The following ENOX1 variants were observed in gnomAD, a reference collection of about 807,000 sequenced individuals.
ENOX1 encodes the protein ecto-NOX disulfide-thiol exchanger 1.
Under a neutral mutation model 82.5 loss-of-function variants are expected in ENOX1, and 42 were observed. The observed-to-expected ratio is 0.51, with a 90% CI of 0.40 to 0.66. The LOEUF is 0.66. Among genes scored for constraint, ENOX1 ranks in the 30% least tolerant of loss-of-function variants. The probability of loss-of-function intolerance (pLI) is 0.00; values close to 1 mark genes in which losing one functional copy is unlikely to be tolerated. For missense variants in ENOX1, 608 were observed against 811.6 expected, an observed-to-expected ratio of 0.75 and a Z score of 3.05; for synonymous variants, 271 against 282.2, an observed-to-expected ratio of 0.96 and a Z score of 0.40.
At chr13:43,279,428 G>T (rs531597452) in intron 12 of ENOX1, among the ~76,000 whole-genome samples, 1 of 152,210 alleles carries the variant, frequency 6.6e-6, no homozygotes, top group East Asian at 1.9e-4. Flanking sequence ...AGGAATTATT[G>T]ATCATTCACA....
chr13:43,541,173 G>GTTCTTTTTTTTTTTTTTTTTT (rs2078696705), intron 2 of ENOX1, among the ~76,000 whole-genome samples: 2 of 64,574 alleles, frequency 3.1e-5, no homozygotes, highest in African/African-American at 9.9e-5. Flanking sequence ...TCTTCCCTCT[G>GTTCTTTTTTTTTTTTTTTTTT]TTTTTTTTTT....
chr13:43,714,983 T>C (rs2088010447), intron 1 of ENOX1, among the ~76,000 whole-genome samples: 2 of 152,236 alleles, frequency 1.3e-5, no homozygotes, highest in African/African-American at 4.8e-5. Flanking sequence ...TGCTCGTTAG[T>C]TGATGCAGTT....
intron 2 of ENOX1, among the ~76,000 whole-genome samples, chr13:43,530,547 T>C (rs2078168006): frequency 6.6e-6 from 1 of 152,094 alleles, no homozygotes; most frequent in Admixed American, 6.6e-5. Flanking sequence ...GATTTGAAAA[T>C]AGTTACCTTT....
chr13:43,477,336 A>C (rs918508454), intron 3 of ENOX1, among the ~76,000 whole-genome samples: 2 of 152,062 alleles, frequency 1.3e-5, no homozygotes, highest in African/African-American at 4.8e-5. Flanking sequence ...GGGTGAATAC[A>C]TACGCTTTGC....
chr13:43,450,512 G>A (rs1381051306), intron 3 of ENOX1, among the ~76,000 whole-genome samples: 1 of 152,154 alleles, frequency 6.6e-6, no homozygotes, highest in Non-Finnish European at 1.5e-5. Context: ...GTCAGTAGGA[G>A]GCAGAGGAAA....
At chr13:43,244,569 G>C (rs1333651207) in intron 14 of ENOX1, among the ~76,000 whole-genome samples, 1 of 152,124 alleles carries the variant, frequency 6.6e-6, no homozygotes, top group Non-Finnish European at 1.5e-5. Context: ...TTGTTGTTTT[G>C]AAGAGCTATA....
chr13:43,551,846 AG>A (rs775896636), intron 2 of ENOX1, among the ~76,000 whole-genome samples: 2 of 152,230 alleles, frequency 1.3e-5, no homozygotes, highest in Non-Finnish European at 2.9e-5. Context: ...TTTGACTTAA[AG>A]GGTATGTGGT....
chr13:43,653,093 G>A (rs866116954), intron 2 of ENOX1, among the ~76,000 whole-genome samples: 1 of 152,176 alleles, frequency 6.6e-6, no homozygotes, highest in Non-Finnish European at 1.5e-5. Flanking sequence ...CCTCAGTTGC[G>A]CAGCACAGGC....
intron 1 of ENOX1, among the ~76,000 whole-genome samples, chr13:43,729,398 CTAATA>C (rs1347180094): frequency 6.6e-6 from 1 of 151,986 alleles, no homozygotes; most frequent in African/African-American, 2.4e-5. Context: ...AGGAATATGT[CTAATA>C]TAAACACAAG....
At chr13:43,499,962 C>A (rs995115741) in intron 2 of ENOX1, among the ~76,000 whole-genome samples, 31 of 151,806 alleles carry the variant, frequency 2.0e-4, no homozygotes, top group African/African-American at 7.5e-4. Context: ...TAAACGGTTT[C>A]AACAGCAGAT....
At position 43,412,612 on chromosome 13, in the gene ENOX1, TAAATAAATC is replaced by T. The variant is rs1186865695; in HGVS notation, c.70+224_70+232del. On this transcript the variant is annotated intron_variant, in intron 4 of 16. Transcript: ENST00000690772. ...GTGACTTTTCTGAAGGATTTCTAAA[TAAATAAATC>T]AAATTTAAAAACAGGTAGCACAAAG... is the stretch of plus-strand genomic sequence containing the variant. 2.0e-5 allele frequency among the ~76,000 whole-genome samples: 3 copies of T among 152,294 alleles called. No individual in the cohort carries two copies. In the South Asian group the frequency reaches 6.2e-4, roughly 32 times the overall value.
At chr13:43,570,764 G>C (rs1258318953) in intron 2 of ENOX1, among the ~76,000 whole-genome samples, 4 of 152,206 alleles carry the variant, frequency 2.6e-5, no homozygotes, top group African/African-American at 9.7e-5. Flanking sequence ...CCATCTGGGT[G>C]AGAAGTGGAG....
chr13:43,316,517 C>T (rs2153522102), intron 11 of ENOX1, among the ~76,000 whole-genome samples: 1 of 152,152 alleles, frequency 6.6e-6, no homozygotes, highest in South Asian at 2.1e-4. Context: ...ATTTACAAAA[C>T]AAACACAGTC....
chr13:43,327,431 G>A (rs1208084714), intron 9 of ENOX1, among the ~76,000 whole-genome samples: 1 of 152,192 alleles, frequency 6.6e-6, no homozygotes, highest in Non-Finnish European at 1.5e-5. Flanking sequence ...ATAGACAAAG[G>A]CATGGGCTCT....
chr13:43,353,070 G>A (rs2153554263), intron 8 of ENOX1, among the ~76,000 whole-genome samples: 1 of 152,190 alleles, frequency 6.6e-6, no homozygotes, highest in South Asian at 2.1e-4. Flanking sequence ...GTAAAATGCT[G>A]ATTAACGAAT....
intron 2 of ENOX1, among the ~76,000 whole-genome samples, chr13:43,498,100 C>T (rs2076856024): frequency 6.6e-6 from 1 of 152,024 alleles, no homozygotes; most frequent in Admixed American, 6.6e-5. Context: ...ATTAAACTCG[C>T]TGGTACTTTT....
At chr13:43,596,777 T>C (rs2081493401) in intron 2 of ENOX1, among the ~76,000 whole-genome samples, 1 of 152,238 alleles carries the variant, frequency 6.6e-6, no homozygotes, top group South Asian at 2.1e-4. Flanking sequence ...GTTAGTATTA[T>C]TACTTTGGAA....
intron 3 of ENOX1, among the ~76,000 whole-genome samples, chr13:43,470,303 T>C: frequency 2.0e-5 from 1 of 49,282 alleles, no homozygotes; most frequent in Admixed American, 1.9e-4. Context: ...TACACATATA[T>C]ATACATATAT....
chr13:43,749,460 G>C (rs1395084555), intron 1 of ENOX1, among the ~76,000 whole-genome samples: 1 of 152,220 alleles, frequency 6.6e-6, no homozygotes, highest in Non-Finnish European at 1.5e-5. Context: ...GTACAGAGAG[G>C]CACCTCTGTG....
Sources: gnomAD v4.1 joint callset for allele counts (sites outside exome capture counted in the v4.1 genomes callset) on GRCh38, gnomAD v4.1.1 for gene constraint, MANE v1.5 for transcripts, NCBI Gene and HGNC (gene_info 2026-07-23, HGNC 2026-07-21) for gene names.